Variants in STK32B observed in about 807,000 individuals in gnomAD.
STK32B encodes the protein serine/threonine-protein kinase 32B.
Under a neutral mutation model 52.6 loss-of-function variants are expected in STK32B, and 43 were observed. That is an observed-to-expected ratio of 0.82 (90% CI 0.64 to 1.05). The LOEUF (loss-of-function observed/expected upper bound fraction) is 1.05, where lower values mean the gene tolerates loss of function less well. STK32B is among the 50% of genes least tolerant of loss of function. STK32B has a pLI of 0.00. For synonymous variants in STK32B, 238 were observed against 204.3 expected, an observed-to-expected ratio of 1.17 and a Z score of -1.41; for missense variants, 621 against 534.6, an observed-to-expected ratio of 1.16 and a Z score of -1.59.
intron 3 of STK32B, among the ~76,000 whole-genome samples, chr4:5,325,742 A>G (rs897673643): frequency 6.6e-6 from 1 of 152,204 alleles, no homozygotes. Flanking sequence ...AGATTTTTCC[A>G]TAGGTCAGAG....
At chr4:5,484,043 G>A (rs1329636022) in intron 11 of STK32B, among the ~76,000 whole-genome samples, 1 of 152,184 alleles carries the variant, frequency 6.6e-6, no homozygotes, top group Non-Finnish European at 1.5e-5. Flanking sequence ...GTGGTGTGAT[G>A]TGGAAAAGAA....
At chr4:5,205,924 G>C (rs1394465677) in intron 3 of STK32B, among the ~76,000 whole-genome samples, 1 of 152,198 alleles carries the variant, frequency 6.6e-6, no homozygotes, top group Non-Finnish European at 1.5e-5. Flanking sequence ...AGGAATGGAA[G>C]ATACTTTAAT....
chr4:5,137,646 A>C (rs80337515), intron 1 of STK32B, among the ~76,000 whole-genome samples: 1 of 152,156 alleles, frequency 6.6e-6, no homozygotes, highest in African/African-American at 2.4e-5. Context: ...AGGCTAAATG[A>C]TGCCGCTAAT....
intron 11 of STK32B, among the ~76,000 whole-genome samples, chr4:5,488,855 T>A (rs1358312567): frequency 6.6e-6 from 1 of 152,068 alleles, no homozygotes; most frequent in Non-Finnish European, 1.5e-5. Flanking sequence ...TAAAACCACC[T>A]CTAAATAGCC....
At chr4:5,304,940 G>A (rs926575844) in intron 3 of STK32B, among the ~76,000 whole-genome samples, 1 of 152,076 alleles carries the variant, frequency 6.6e-6, no homozygotes, top group Admixed American at 6.6e-5. Flanking sequence ...CATCTATTGA[G>A]ATGATCATGT....
In STK32B at chr4:5,058,380, A is replaced by T. The variant is rs1742088046; in HGVS notation, c.52+6465A>T. ...TCACATCTTGGAGAAAGTATTGAAG[A>T]CCTAGTGAGTGTCACTTTATATCAC... On this transcript the variant is annotated intron_variant, in intron 1 of 11. Transcript: ENST00000282908. The surrounding 1 kb of genome is among the most constrained non-coding windows in gnomAD (Gnocchi z 4.8). Among the ~76,000 whole-genome samples, 1 of 152,132 alleles carries T rather than the reference A, an allele frequency of 6.6e-6. No homozygotes were observed. The highest frequency in any genetic ancestry group is 6.5e-5 in the Admixed American group (1 of 15,272).
At chr4:5,204,335 G>T (rs1722391058) in intron 3 of STK32B, 2 of 153,142 alleles carry the variant, frequency 1.3e-5, no homozygotes, top group Admixed American at 6.5e-5. Context: ...GATAAGGGAA[G>T]TGGTTTGTCT....
chr4:5,438,203 A>G (rs1348153240), intron 6 of STK32B: 13 of 907,666 alleles, frequency 1.4e-5, no homozygotes, highest in Non-Finnish European at 1.6e-5. Context: ...CTCAGGACTG[A>G]GAAGAGGAAC....
upstream of STK32B, among the ~76,000 whole-genome samples, chr4:5,049,283 G>A (rs1271466662): frequency 6.6e-6 from 1 of 151,290 alleles, no homozygotes; most frequent in South Asian, 2.1e-4. Context: ...TGCAACCTCC[G>A]CCTCCCAGGT....
chr4:5,404,863 AT>A (rs58235629), intron 5 of STK32B, among the ~76,000 whole-genome samples: 32,265 of 113,078 alleles, frequency 0.29, 3,605 homozygotes, highest in African/African-American at 0.32. Context: ...TCTGTATGCG[AT>A]TTTTTTTTTT....
chr4:5,326,108 G>A (rs1241168633), intron 3 of STK32B, among the ~76,000 whole-genome samples: 1 of 152,102 alleles, frequency 6.6e-6, no homozygotes, highest in African/African-American at 2.4e-5. Flanking sequence ...GAAAATTCAT[G>A]TTGCTCCTCC....
the STK32B span, among the ~76,000 whole-genome samples, chr4:5,028,406 A>G: frequency 2.3e-4 from 35 of 152,340 alleles, no homozygotes; most frequent in African/African-American, 7.9e-4. Flanking sequence ...GTCCCAGGCC[A>G]GGATTGAGTT....
At chr4:5,430,264 C>G (rs10084820) in intron 6 of STK32B, among the ~76,000 whole-genome samples, 23,800 of 152,132 alleles carry the variant, frequency 0.16, 2,573 homozygotes, top group East Asian at 0.41. Context: ...TACATGCCCT[C>G]TTCTCCCCAT....
chr4:5,243,703 T>C (rs1277025313), intron 3 of STK32B, among the ~76,000 whole-genome samples: 1 of 152,194 alleles, frequency 6.6e-6, no homozygotes, highest in East Asian at 1.9e-4. Flanking sequence ...CAGTATGATA[T>C]TGCCTGTGGG....
Position 5,498,840 on chromosome 4 carries a change from T to G in STK32B, c.1107-105T>G, listed in dbSNP as rs558429033. Reference sequence around the variant, plus strand: ...TCAATCTTCCCAGGTAGGGGAAGGTTTGAGCTGAAGGCTCCACAGTTGCCC... The same window carrying G: ...TCAATCTTCCCAGGTAGGGGAAGGTGTGAGCTGAAGGCTCCACAGTTGCCC... On this transcript the variant is annotated intron_variant, in intron 11 of 11. Coordinates refer to ENST00000282908, the MANE Select transcript of STK32B (RefSeq NM_018401.3). 1.1e-4 allele frequency: 160 copies of G among 1,435,922 alleles called. No homozygotes were observed. In the East Asian group the frequency reaches 4.0e-3, roughly 36 times the overall value. The allele number at this position is 1,435,922 out of a possible 1,614,324, so 88.9% of individuals were successfully genotyped here.
chr4:5,299,830 A>G (rs995318815), intron 3 of STK32B, among the ~76,000 whole-genome samples: 12 of 152,186 alleles, frequency 7.9e-5, no homozygotes, highest in Non-Finnish European at 2.9e-5. Context: ...GCCCTGGACC[A>G]GATGGATTAA....
chr4:5,140,123 G>A (rs2108831729), intron 2 of STK32B, 163 bp downstream of exon 2: 1 of 1,398,658 alleles, frequency 7.1e-7, no homozygotes, highest in South Asian at 1.2e-5. Context: ...TTGCGATCTG[G>A]TGTAATTTTC....
intron 3 of STK32B, among the ~76,000 whole-genome samples, chr4:5,296,223 A>T (rs1218748312): frequency 1.3e-5 from 2 of 152,184 alleles, no homozygotes; most frequent in Non-Finnish European, 2.9e-5. Context: ...TGATGCTGAG[A>T]AGAATGTATA....
chr4:5,341,517 A>C (rs528577939), intron 4 of STK32B, among the ~76,000 whole-genome samples: 30 of 152,288 alleles, frequency 2.0e-4, no homozygotes, highest in Non-Finnish European at 2.8e-4. Flanking sequence ...CATTTTGTCT[A>C]CTTTCTTCCT....
Sources: allele counts gnomAD v4.1 joint callset (sites outside exome capture counted in the v4.1 genomes callset), GRCh38; gene constraint gnomAD v4.1.1; non-coding constraint Gnocchi (gnomAD v3.1); transcripts MANE v1.5; gene names NCBI Gene and HGNC (gene_info 2026-07-23, HGNC 2026-07-21).